Variants in LRAT observed in about 807,000 individuals in gnomAD.
The protein encoded by LRAT is lecithin retinol acyltransferase (phosphatidylcholine--retinol O-acyltransferase).
Under a neutral mutation model 14.2 loss-of-function variants are expected in LRAT, and 11 were observed. The observed-to-expected ratio is 0.78, with a 90% CI of 0.49 to 1.29. The LOEUF is 1.29. Among genes scored for constraint, LRAT ranks in the 50% most tolerant of loss-of-function variants. The probability of loss-of-function intolerance (pLI) is 0.00; values close to 1 mark genes in which losing one functional copy is unlikely to be tolerated. For missense variants in LRAT, 274 were observed against 292.4 expected (o/e 0.94, Z 0.46); for synonymous variants, 144 against 124.8 (o/e 1.15, Z -1.03).
At chr4:154,740,990 G>C (rs1732760618), upstream of LRAT, 1 of 152,106 alleles carries the variant, frequency 6.6e-6, no homozygotes, top group African/African-American at 2.4e-5. Context: ...TACAGCTATA[G>C]TCTTCCCTTT....
chr4:154,745,006 CTTTTTTTTTTTTTTTT>C (rs70947181), intron 2 of LRAT, 140 bp downstream of exon 2: 40 of 246,176 alleles, frequency 1.6e-4, no homozygotes, highest in East Asian at 4.6e-4. Context: ...TTTCTTTTTC[CTTTTTTTTTTTTTTTT>C]TTTTTTTTTT....
At chr4:154,746,057 T>G (rs1732879989) in intron 2 of LRAT, among the ~76,000 whole-genome samples, 1 of 152,192 alleles carries the variant, frequency 6.6e-6, no homozygotes, top group East Asian at 1.9e-4. Context: ...GAAAAATGGA[T>G]TTTTATTTCC....
Position 154,744,681 on chromosome 4 carries a change from G to A in LRAT, c.355G>A (p.Gly119Arg), listed in dbSNP as rs750516743. 1.9e-6 allele frequency: 3 copies of A among 1,614,072 alleles called. No homozygotes were observed. Among genetic ancestry groups the A allele is most frequent in the Non-Finnish European group, 2.5e-6 (3 of 1,180,048 alleles). Residue 119 changes from glycine (G) to arginine (R), a missense_variant, in exon 2 of 3, where the codon GGA becomes AGA. Gly to Arg is a moderately radical substitution (Grantham distance 125). Coordinates refer to ENST00000336356, the MANE Select transcript of LRAT (RefSeq NM_004744.5). The part of the protein sequence containing the change: ...RVDTVEDFAY[G>R]ANILVNHLDE... ...GGACACAGTGGAGGACTTCGCCTACGGAGCTAACATCCTGGTCAATCACCT... is the reference window on the plus strand; with the variant it reads ...GGACACAGTGGAGGACTTCGCCTACAGAGCTAACATCCTGGTCAATCACCT...
In LRAT at chr4:154,750,957, A is replaced by G. The variant is rs1226715214; in HGVS notation, c.*1821A>G. 6.6e-6 allele frequency: 1 copy of G among 152,248 alleles called. No individual in the cohort carries two copies. 9.4% of individuals were successfully genotyped at this position (152,248 alleles called of 1,614,324 possible). On this transcript the variant is annotated 3_prime_UTR_variant, in exon 3 of 3. Coordinates refer to ENST00000336356, the MANE Select transcript of LRAT (RefSeq NM_004744.5). ...CTGTGTTCAAAGATGAAGACCCCTC[A>G]TTAAAAGCCAAGGACGTTCTTAAGA...
In LRAT at chr4:154,751,236, A is replaced by C. The variant is rs563717606; in HGVS notation, c.*2100A>C. The C allele has an allele frequency of 6.6e-6, 1 of 152,358 alleles. No homozygotes were observed. The highest frequency in any genetic ancestry group is 2.1e-4 in the South Asian group (1 of 4,822). The allele number at this position is 152,358 out of a possible 1,614,324, so 9.4% of individuals were successfully genotyped here. On this transcript the variant is annotated 3_prime_UTR_variant, in exon 3 of 3. Coordinates refer to ENST00000336356, the MANE Select transcript of LRAT (RefSeq NM_004744.5). ...GGCAATGCTAGCATTAAGCCAAGAA[A>C]TAGTGTGAGGTGATCTTATCACACT...
At chr4:154,748,952 C>CT in intron 2 of LRAT, 32 bp from the exon 3 acceptor site, 1 of 1,609,534 alleles carries the variant, frequency 6.2e-7, no homozygotes, top group South Asian at 1.1e-5. Context: ...GTTTAGCCAC[C>CT]TTTCCTAATT....
rs1285764920 is a variant in LRAT at position 154,744,416 on chromosome 4, G to A, written c.90G>A (p.Ala30=). Residue 30 remains alanine (A), a synonymous_variant, in exon 2 of 3, where the codon GCG becomes GCA. Coordinates refer to ENST00000336356, the MANE Select transcript of LRAT (RefSeq NM_004744.5). ...SNFTLFSSGA[A]GEDKGRNSFY... is the part of the protein sequence containing the mutation. The stretch of plus-strand genomic sequence containing the variant: ...TCACGCTCTTTAGTTCGGGCGCCGC[G>A]GGCGAAGACAAAGGGAGGAACAGTT... The A allele has an allele frequency of 6.2e-6, 10 of 1,614,092 alleles. No homozygotes were observed. The highest frequency in any genetic ancestry group is 1.1e-5 in the South Asian group (1 of 91,078).
upstream of LRAT, chr4:154,740,865 T>C (rs1031707024): frequency 1.3e-5 from 2 of 152,236 alleles, no homozygotes; most frequent in African/African-American, 4.8e-5. Flanking sequence ...TTCTTAACGG[T>C]CCGGGAAACC....
upstream of LRAT, among the ~76,000 whole-genome samples, chr4:154,743,463 C>A (rs914086705): frequency 6.6e-6 from 1 of 152,164 alleles, no homozygotes; most frequent in Non-Finnish European, 1.5e-5. Context: ...CACCGCCCTC[C>A]TGCTCTGGGT....
Position 154,744,740 on chromosome 4 carries a change from CGAGGAGGTGGCGCG to C in LRAT, c.419_432del (p.Glu140GlyfsTer2). On this transcript the variant is annotated frameshift_variant, in exon 2 of 3. Coordinates refer to ENST00000336356, the MANE Select transcript of LRAT (RefSeq NM_004744.5). LOFTEE classifies it high-confidence loss of function. ...CCCTCCAGAAAAAGGCACTGCTCAA[CGAGGAGGTGGCGCG>C]GAGGGCTGAAAAGCTGCTGGGCTTT... 6.2e-7 allele frequency: 1 copy of C among 1,614,196 alleles called. No homozygotes were observed. The highest frequency in any genetic ancestry group is 8.5e-7 in the Non-Finnish European group (1 of 1,180,044).
rs1412729929 is a variant in LRAT at position 154,744,746 on chromosome 4, G to A, written c.420G>A (p.Glu140=). 6.2e-7 allele frequency: 1 copy of A among 1,614,198 alleles called. No individual in the cohort carries two copies. The highest frequency in any genetic ancestry group is 8.5e-7 in the Non-Finnish European group (1 of 1,180,036). The change falls in exon 2 of 3, where the codon GAG becomes GAA. Residue 140 remains glutamate (E), a synonymous_variant. Transcript: ENST00000336356. Reference sequence around the variant, plus strand: ...AGAAAAAGGCACTGCTCAACGAGGAGGTGGCGCGGAGGGCTGAAAAGCTGC... The same window carrying A: ...AGAAAAAGGCACTGCTCAACGAGGAAGTGGCGCGGAGGGCTGAAAAGCTGC... ...SLQKKALLNE[E]VARRAEKLLG... is the part of the protein sequence containing the mutation.
At chr4:154,742,592 G>A (rs1732787830), upstream of LRAT, among the ~76,000 whole-genome samples, 1 of 152,210 alleles carries the variant, frequency 6.6e-6, no homozygotes, top group Non-Finnish European at 1.5e-5. Flanking sequence ...GCTTTGTGGA[G>A]CCACCCGAGG....
At position 154,749,118 on chromosome 4, in the gene LRAT, C is replaced by A; in HGVS notation, c.675C>A (p.Phe225Leu). The part of the protein sequence containing the change: ...TTLPAIFIPF[F>L]LWMAG ...TTCCTGCAATTTTTATTCCATTCTTCCTATGGATGGCTGGCTAACTTCATA... is the reference window on the plus strand; with the variant it reads ...TTCCTGCAATTTTTATTCCATTCTTACTATGGATGGCTGGCTAACTTCATA... Residue 225 changes from phenylalanine (F) to leucine (L), a missense_variant, in exon 3 of 3, where the codon TTC becomes TTA. By Grantham distance (22) the Phe-to-Leu change is conservative. Coordinates refer to ENST00000336356, the MANE Select transcript of LRAT (RefSeq NM_004744.5). 1 of 1,613,694 alleles carries A rather than the reference C, an allele frequency of 6.2e-7. No individual in the cohort carries two copies. The highest frequency in any genetic ancestry group is 8.5e-7 in the Non-Finnish European group (1 of 1,179,678).
In LRAT at chr4:154,749,174, A is replaced by C. The variant is rs765926361; in HGVS notation, c.*38A>C. On this transcript the variant is annotated 3_prime_UTR_variant, in exon 3 of 3. Transcript: ENST00000336356. Reference sequence around the variant, plus strand: ...ATGTCAGTGTGTGTATTCTGTATGTAAATATGTTTATATTTATAGAGCATC... The same window carrying C: ...ATGTCAGTGTGTGTATTCTGTATGTCAATATGTTTATATTTATAGAGCATC... 2 of 1,584,470 alleles carry C rather than the reference A, an allele frequency of 1.3e-6. No individual in the cohort carries two copies. The highest frequency in any genetic ancestry group is 1.1e-5 in the South Asian group (1 of 90,440).
chr4:154,741,814 T>C (rs909995807), upstream of LRAT, among the ~76,000 whole-genome samples: 1 of 152,192 alleles, frequency 6.6e-6, no homozygotes, highest in African/African-American at 2.4e-5. Flanking sequence ...ATAAAAGAAT[T>C]CATATATATG....
upstream of LRAT, among the ~76,000 whole-genome samples, chr4:154,741,607 C>T (rs964387651): frequency 2.0e-5 from 3 of 152,170 alleles, no homozygotes; most frequent in African/African-American, 7.2e-5. Flanking sequence ...GCTCTCACCT[C>T]CTTTCTTTTT....
chr4:154,743,126 C>A (rs1259011810), upstream of LRAT, among the ~76,000 whole-genome samples: 4 of 29,120 alleles, frequency 1.4e-4, no homozygotes, highest in African/African-American at 3.0e-4. Context: ...ACCCCCCCAA[C>A]CCCCCCCCCC....
chr4:154,749,692 C>T lies in LRAT; in HGVS notation c.*556C>T, dbSNP rs949027147. ...AATGTTTTATTGTCATTATGTGAAA[C>T]CAATATTGGCAAATAGTACTTTAAT... On this transcript the variant is annotated 3_prime_UTR_variant, in exon 3 of 3. Transcript: ENST00000336356. 3 of 152,516 alleles carry T rather than the reference C, an allele frequency of 2.0e-5. No individual in the cohort carries two copies. In the East Asian group the frequency reaches 5.8e-4, roughly 29 times the overall value. The allele number at this position is 152,516 out of a possible 1,614,324, so 9.4% of individuals were successfully genotyped here.
Position 154,752,154 on chromosome 4 carries a change from G to A in LRAT, c.*3018G>A, listed in dbSNP as rs920569049. The A allele has an allele frequency of 1.9e-4, 29 of 152,228 alleles. No homozygotes were observed. The highest frequency in any genetic ancestry group is 6.5e-4 in the African/African-American group (27 of 41,458). The allele number at this position is 152,228 out of a possible 1,614,324, so 9.4% of individuals were successfully genotyped here. ...AGCTGACTGACTGAAGGAACAGAAA[G>A]TGAGACAGACAGATATGACCAAATT... is the stretch of plus-strand genomic sequence containing the variant. On this transcript the variant is annotated 3_prime_UTR_variant, in exon 3 of 3. Transcript: ENST00000336356.
Sources: allele counts gnomAD v4.1 joint callset (sites outside exome capture counted in the v4.1 genomes callset), GRCh38; gene constraint gnomAD v4.1.1; transcripts MANE v1.5; gene names NCBI Gene and HGNC (gene_info 2026-07-23, HGNC 2026-07-21).